Variants in SAMD12 observed in about 807,000 individuals in gnomAD.
SAMD12 encodes the protein sterile alpha motif domain-containing protein 12.
A neutral mutation model predicts 15.0 loss-of-function variants in SAMD12; 9 were observed. The observed-to-expected ratio is 0.60, with a 90% CI of 0.36 to 1.05. SAMD12 has a LOEUF of 1.05. Ranked by LOEUF, SAMD12 falls within the 50% of genes least tolerant of loss-of-function variation. The probability of loss-of-function intolerance (pLI) is 0.01; values close to 1 mark genes in which losing one functional copy is unlikely to be tolerated. For missense variants in SAMD12, 230 were observed against 234.2 expected (o/e 0.98, Z 0.12); for synonymous variants, 86 against 90.1 (o/e 0.96, Z 0.25).
intron 4 of SAMD12, among the ~76,000 whole-genome samples, chr8:118,302,337 T>A (rs1434062120): frequency 6.6e-6 from 1 of 152,182 alleles, no homozygotes; most frequent in East Asian, 1.9e-4. Flanking sequence ...TCATTTATAA[T>A]GTGTTTATTG....
At chr8:118,591,133 G>A (rs963234599) in intron 1 of SAMD12, among the ~76,000 whole-genome samples, 7 of 152,006 alleles carry the variant, frequency 4.6e-5, no homozygotes, top group African/African-American at 1.2e-4. Context: ...AAAACTCATC[G>A]AACTTAACAC....
At chr8:118,300,312 C>T (rs1051674819) in intron 4 of SAMD12, among the ~76,000 whole-genome samples, 1 of 152,166 alleles carries the variant, frequency 6.6e-6, no homozygotes, top group African/African-American at 2.4e-5. Context: ...CTATTCCTCC[C>T]TTCTTTTACC....
intron 2 of SAMD12, among the ~76,000 whole-genome samples, chr8:118,569,703 A>C (rs891781921): frequency 6.6e-6 from 1 of 152,152 alleles, no homozygotes; most frequent in African/African-American, 2.4e-5. Flanking sequence ...ACACAGTGAA[A>C]AGGTGGTCTC....
chr8:118,411,459 A>C (rs1266437366), intron 3 of SAMD12, among the ~76,000 whole-genome samples: 2 of 152,180 alleles, frequency 1.3e-5, no homozygotes, highest in Admixed American at 1.3e-4. Context: ...CAGAAGATTT[A>C]AGGGAGTATG....
chr8:118,380,240 C>T (rs2130714173), intron 3 of SAMD12, among the ~76,000 whole-genome samples: 1 of 152,300 alleles, frequency 6.6e-6, no homozygotes, highest in East Asian at 1.9e-4. Context: ...GCAACTGACA[C>T]TCCTGCTGTA....
intron 4 of SAMD12, among the ~76,000 whole-genome samples, chr8:118,211,301 G>A (rs759257149): frequency 1.3e-5 from 2 of 152,204 alleles, no homozygotes; most frequent in African/African-American, 2.4e-5. Flanking sequence ...AGAAGCGATG[G>A]AGTCTCACTC....
At chr8:118,390,102 G>A (rs113138304) in intron 3 of SAMD12, among the ~76,000 whole-genome samples, 2,814 of 152,206 alleles carry the variant, frequency 0.018, 81 homozygotes, top group African/African-American at 0.064. Flanking sequence ...TGCCTTCTGG[G>A]TTCATGCCAT....
intron 4 of SAMD12, among the ~76,000 whole-genome samples, chr8:118,291,837 T>A (rs976404850): frequency 1.3e-5 from 2 of 150,484 alleles, no homozygotes; most frequent in African/African-American, 4.9e-5. Flanking sequence ...TTCCATAGAG[T>A]GACTTTGGAA....
Position 118,551,997 on chromosome 8 carries a change from T to C in SAMD12, c.192+28718A>G, listed in dbSNP as rs1196236970. On this transcript the variant is annotated intron_variant, in intron 2 of 3. Coordinates refer to ENST00000314727, the MANE Select transcript of SAMD12 (RefSeq NM_207506.3). ...ACCAGGAAGAAGTTGAATCTCTGAATAGACCAATAACAGGAGCTGAAATTG... is the reference window on the plus strand; with the variant it reads ...ACCAGGAAGAAGTTGAATCTCTGAACAGACCAATAACAGGAGCTGAAATTG... Among the ~76,000 whole-genome samples, 91 of 151,194 alleles carry C rather than the reference T, an allele frequency of 6.0e-4. No homozygotes were observed. In the East Asian group the frequency reaches 0.015, roughly 25 times the overall value.
At chr8:118,486,252 A>C (rs956544470) in intron 2 of SAMD12, among the ~76,000 whole-genome samples, 4 of 110,158 alleles carry the variant, frequency 3.6e-5, no homozygotes, top group African/African-American at 1.2e-4. Flanking sequence ...GTCTCTACTA[A>C]AAAATACAAA....
At chr8:118,578,305 A>G (rs902104406) in intron 2 of SAMD12, among the ~76,000 whole-genome samples, 2 of 152,198 alleles carry the variant, frequency 1.3e-5, no homozygotes, top group African/African-American at 4.8e-5. Context: ...GCTATTTTCA[A>G]TGTGTTCTCC....
intron 2 of SAMD12, among the ~76,000 whole-genome samples, chr8:118,440,697 A>ACAAAC (rs1563861873): frequency 9.5e-5 from 5 of 52,362 alleles, no homozygotes; most frequent in East Asian, 1.1e-3. Context: ...CACACACACA[A>ACAAAC]ACACACACAC....
intron 2 of SAMD12, among the ~76,000 whole-genome samples, chr8:118,553,849 A>C (rs546722442): frequency 1.6e-4 from 24 of 148,054 alleles, no homozygotes; most frequent in East Asian, 1.4e-3. Context: ...AAAAACAAAC[A>C]ACCCCATCAA....
intron 2 of SAMD12, among the ~76,000 whole-genome samples, chr8:118,486,286 G>T (rs957517846): frequency 2.1e-4 from 32 of 151,980 alleles, no homozygotes; most frequent in African/African-American, 7.7e-4. Context: ...TGTAGTGGTG[G>T]GCGCCTGTAG....
chr8:118,482,378 G>A (rs1037036295), intron 2 of SAMD12, among the ~76,000 whole-genome samples: 23 of 152,110 alleles, frequency 1.5e-4, no homozygotes, highest in African/African-American at 5.3e-4. Flanking sequence ...GCTGCCAAAT[G>A]GAAAGGAAGG....
At chr8:118,414,788 G>T (rs1563842422) in intron 3 of SAMD12, among the ~76,000 whole-genome samples, 1 of 152,156 alleles carries the variant, frequency 6.6e-6, no homozygotes. Flanking sequence ...CAAGTCTAAA[G>T]CCCAGCTTCT....
chr8:118,457,438 C>G (rs1181728750), intron 2 of SAMD12, among the ~76,000 whole-genome samples: 1 of 151,808 alleles, frequency 6.6e-6, no homozygotes, highest in African/African-American at 2.4e-5. Flanking sequence ...ACTATGTTGC[C>G]CAGGCTAGTC....
intron 2 of SAMD12, among the ~76,000 whole-genome samples, chr8:118,520,629 A>C (rs1465246972): frequency 6.6e-6 from 1 of 152,192 alleles, no homozygotes; most frequent in Admixed American, 6.6e-5. Flanking sequence ...GAGATAAAGG[A>C]CTAGATGCCC....
At chr8:118,339,166 C>G (rs1817223069) in intron 4 of SAMD12, among the ~76,000 whole-genome samples, 1 of 151,860 alleles carries the variant, frequency 6.6e-6, no homozygotes, top group Admixed American at 6.6e-5. Context: ...CCTGTCTCTA[C>G]AGAAAATAAA....
Sources: gnomAD v4.1 joint callset for allele counts (sites outside exome capture counted in the v4.1 genomes callset) on GRCh38, gnomAD v4.1.1 for gene constraint, MANE v1.5 for transcripts, NCBI Gene and HGNC (gene_info 2026-07-23, HGNC 2026-07-21) for gene names.